The following GLRA3 variants were observed in gnomAD, a reference collection of about 807,000 sequenced individuals.
GLRA3 encodes glycine receptor alpha 3, also known as glycine receptor subunit alpha-3.
In GLRA3, 44 loss-of-function variants were observed where a neutral mutation model predicts 60.4. That is an observed-to-expected ratio of 0.73 (90% CI 0.57 to 0.94). The LOEUF (loss-of-function observed/expected upper bound fraction) is 0.94. Ranked by LOEUF, GLRA3 falls within the 40% of genes least tolerant of loss-of-function variation. The probability of loss-of-function intolerance (pLI) is 0.00; values close to 1 mark genes in which losing one functional copy is unlikely to be tolerated. For missense variants in GLRA3, 508 were observed against 564.6 expected, an observed-to-expected ratio of 0.90 and a Z score of 1.02; for synonymous variants, 223 against 192.9, an observed-to-expected ratio of 1.16 and a Z score of -1.29.
At chr4:174,718,818 A>T (rs943186060) in intron 4 of GLRA3, among the ~76,000 whole-genome samples, 3 of 152,216 alleles carry the variant, frequency 2.0e-5, no homozygotes, top group Admixed American at 2.0e-4. Flanking sequence ...TCCGTACTAC[A>T]AATTTACAAG....
Position 174,643,507 on chromosome 4 carries a change from T to G in GLRA3, c.*279A>C. ...AGATATTATATAACATATAAACACA[T>G]TGGCAGTAAAGCTTCCACTTACATG... On this transcript the variant is annotated 3_prime_UTR_variant, in exon 10 of 10. Coordinates refer to ENST00000274093, the MANE Select transcript of GLRA3 (RefSeq NM_006529.4). 1 of 1,079,654 alleles carries G rather than the reference T, an allele frequency of 9.3e-7. No individual in the cohort carries two copies. Among genetic ancestry groups the G allele is most frequent in the Non-Finnish European group, 1.1e-6 (1 of 884,810 alleles). The allele number at this position is 1,079,654 out of a possible 1,614,324, so 66.9% of individuals were successfully genotyped here. A position where few individuals can be genotyped will look rare whatever the true frequency, so the allele number is the denominator to read the frequency against.
rs745921340 is a variant in GLRA3 at position 174,712,029 on chromosome 4, CT to C, written c.574+3458del. 4.0e-5 allele frequency among the ~76,000 whole-genome samples: 6 copies of C among 151,432 alleles called. No individual in the cohort carries two copies. In the East Asian group the frequency reaches 5.8e-4, roughly 15 times the overall value. On this transcript the variant is annotated intron_variant, in intron 5 of 9. Coordinates refer to ENST00000274093, the MANE Select transcript of GLRA3 (RefSeq NM_006529.4). ...TCTTTGATATTATCCTTAACTCATA[CT>C]TTTTTTTTCTCATCAATTTCTAATG...
At chr4:174,779,155 C>CCCTGACA (rs529208129) in intron 2 of GLRA3, among the ~76,000 whole-genome samples, 3 of 152,112 alleles carry the variant, frequency 2.0e-5, no homozygotes, top group South Asian at 2.1e-4. Context: ...TCAAGTGGGT[C>CCCTGACA]CCTGACCCCC....
In GLRA3 at chr4:174,682,814, G is replaced by A. The variant is rs1734405677; in HGVS notation, c.700C>T (p.His234Tyr). ...ACTCAACCCCTACCTGTATTGTAAT[G>A]TTTAGTGCAGTATCGTAAATCTTTT... ...EEKDLRYCTK[H>Y]YNTGKFTCIE... Residue 234 changes from histidine to tyrosine, a missense_variant, in exon 6 of 10, where the codon CAT becomes TAT. Physicochemically the swap from His to Tyr is moderately conservative, Grantham distance 83. Coordinates refer to ENST00000274093, the MANE Select transcript of GLRA3 (RefSeq NM_006529.4). 1.2e-6 allele frequency: 2 copies of A among 1,612,238 alleles called. No individual in the cohort carries two copies. Among genetic ancestry groups the A allele is most frequent in the South Asian group, 1.1e-5 (1 of 91,026 alleles).
intron 3 of GLRA3, among the ~76,000 whole-genome samples, chr4:174,750,804 G>T (rs1417036463): frequency 6.6e-6 from 1 of 151,968 alleles, no homozygotes; most frequent in African/African-American, 2.4e-5. Context: ...GAAATAAATG[G>T]GTAGCTCATT....
At chr4:174,698,214 T>C (rs1735139714) in intron 5 of GLRA3, among the ~76,000 whole-genome samples, 1 of 152,046 alleles carries the variant, frequency 6.6e-6, no homozygotes, top group South Asian at 2.1e-4. Flanking sequence ...TTTTTAGAGA[T>C]AGGGTCTCAC....
At chr4:174,672,303 A>G (rs1262445115) in intron 7 of GLRA3, among the ~76,000 whole-genome samples, 1 of 152,174 alleles carries the variant, frequency 6.6e-6, no homozygotes, top group Admixed American at 6.5e-5. Context: ...GACAAGCCAG[A>G]GCGTGGTCTA....
At chr4:174,719,327 G>A (rs553786042) in intron 4 of GLRA3, among the ~76,000 whole-genome samples, 7 of 152,092 alleles carry the variant, frequency 4.6e-5, no homozygotes, top group Admixed American at 2.0e-4. Context: ...ATGAAAATGG[G>A]TTCTGTAATT....
intron 5 of GLRA3, among the ~76,000 whole-genome samples, chr4:174,704,378 T>A (rs1477099611): frequency 7.0e-6 from 1 of 143,168 alleles, no homozygotes; most frequent in Non-Finnish European, 1.6e-5. Flanking sequence ...TTACAGGTGA[T>A]CTAGGGTGTT....
intron 5 of GLRA3, among the ~76,000 whole-genome samples, chr4:174,685,363 T>C (rs1734516626): frequency 6.6e-6 from 1 of 152,160 alleles, no homozygotes; most frequent in African/African-American, 2.4e-5. Context: ...GAGATGGTAG[T>C]AGCAAGAGCA....
At chr4:174,802,788 T>C (rs1739870547) in intron 1 of GLRA3, among the ~76,000 whole-genome samples, 2 of 152,128 alleles carry the variant, frequency 1.3e-5, no homozygotes, top group Non-Finnish European at 1.5e-5. Flanking sequence ...ATCAAAATCA[T>C]AGTCTGAAAA....
Position 174,640,918 on chromosome 4 carries a change from C to T in GLRA3, c.*2868G>A, listed in dbSNP as rs1043177005. ...GGAAGGGTTGGAGAAGTTTTAAACA[C>T]CCTCAGCTTTCTTGAAAATACAGTG... is the stretch of plus-strand genomic sequence containing the variant. On this transcript the variant is annotated 3_prime_UTR_variant, in exon 10 of 10. Coordinates refer to ENST00000274093, the MANE Select transcript of GLRA3 (RefSeq NM_006529.4). 2 of 152,000 alleles carry T rather than the reference C, an allele frequency of 1.3e-5. No homozygotes were observed. The highest frequency in any genetic ancestry group is 4.1e-4 in the South Asian group (2 of 4,828). The allele number at this position is 152,000 out of a possible 1,614,324, so 9.4% of individuals were successfully genotyped here.
chr4:174,661,244 C>T (rs761136161), intron 7 of GLRA3, among the ~76,000 whole-genome samples: 1 of 152,108 alleles, frequency 6.6e-6, no homozygotes. Context: ...ATCTATCCAT[C>T]TATCCATCAA....
intron 3 of GLRA3, among the ~76,000 whole-genome samples, chr4:174,732,753 A>C (rs2111146137): frequency 6.8e-6 from 1 of 146,114 alleles, no homozygotes; most frequent in African/African-American, 2.5e-5. Context: ...TTCAAAACCA[A>C]GCAATTTCTC....
intron 6 of GLRA3, 33 bp from the exon 7 acceptor site, chr4:174,677,325 T>C: frequency 8.4e-7 from 1 of 1,191,830 alleles, no homozygotes; most frequent in Non-Finnish European, 1.3e-6. Flanking sequence ...CAGCAATTAG[T>C]ACAAATAGGT....
intron 5 of GLRA3, among the ~76,000 whole-genome samples, chr4:174,707,432 A>T (rs1396028679): frequency 6.6e-6 from 1 of 152,148 alleles, no homozygotes; most frequent in Admixed American, 6.5e-5. Flanking sequence ...ATGACTGTAG[A>T]TGTGTTCTGA....
At chr4:174,813,967 G>T (rs1367716945) in intron 1 of GLRA3, among the ~76,000 whole-genome samples, 1 of 152,316 alleles carries the variant, frequency 6.6e-6, no homozygotes, top group East Asian at 1.9e-4. Flanking sequence ...CTCACGGGAA[G>T]GGGAGCACAC....
intron 3 of GLRA3, among the ~76,000 whole-genome samples, chr4:174,760,367 G>T (rs949567264): frequency 6.6e-6 from 1 of 152,104 alleles, no homozygotes; most frequent in South Asian, 2.1e-4. Flanking sequence ...TTGCTAATAG[G>T]TGCTTCAAAC....
intron 4 of GLRA3, among the ~76,000 whole-genome samples, chr4:174,720,916 G>GCTAC (rs1348481493): frequency 3.3e-5 from 5 of 152,060 alleles, no homozygotes; most frequent in African/African-American, 1.2e-4. Context: ...CTAAACAAAG[G>GCTAC]CTACCTCTCT....
Sources: allele counts gnomAD v4.1 joint callset (sites outside exome capture counted in the v4.1 genomes callset), GRCh38; gene constraint gnomAD v4.1.1; transcripts MANE v1.5; gene names NCBI Gene and HGNC (gene_info 2026-07-23, HGNC 2026-07-21).